Variants in JPH1 observed in about 807,000 individuals in gnomAD.
The protein encoded by JPH1 is junctophilin-1.
In JPH1, 12 loss-of-function variants were observed where a neutral mutation model predicts 53.6. The observed-to-expected ratio is 0.22, with a 90% CI of 0.14 to 0.36. The LOEUF is 0.36. Ranked by LOEUF, JPH1 falls within the 10% of genes least tolerant of loss-of-function variation. JPH1 has a pLI of 1.00. For synonymous variants in JPH1, 375 were observed against 363.8 expected (o/e 1.03, Z -0.35); for missense variants, 808 against 905.5 (o/e 0.89, Z 1.38).
At chr8:74,280,915 T>C (rs1806995826) in intron 2 of JPH1, among the ~76,000 whole-genome samples, 1 of 152,206 alleles carries the variant, frequency 6.6e-6, no homozygotes, top group Non-Finnish European at 1.5e-5. Flanking sequence ...AAGGTTATTA[T>C]TCGCTCTAAT....
chr8:74,251,977 T>C (rs539775565), intron 3 of JPH1, among the ~76,000 whole-genome samples: 1 of 152,052 alleles, frequency 6.6e-6, no homozygotes, highest in Non-Finnish European at 1.5e-5. Flanking sequence ...AACAGAGACA[T>C]AGACCAATGG....
chr8:74,254,227 G>C (rs894965213), intron 3 of JPH1, among the ~76,000 whole-genome samples: 1 of 152,112 alleles, frequency 6.6e-6, no homozygotes, highest in Non-Finnish European at 1.5e-5. Context: ...TGGGATGCAA[G>C]GCTGGTTCAA....
chr8:74,264,256 G>A (rs954415860), intron 2 of JPH1, among the ~76,000 whole-genome samples: 18 of 152,188 alleles, frequency 1.2e-4, no homozygotes, highest in Non-Finnish European at 2.4e-4. Flanking sequence ...GATGACTTAT[G>A]TGAACCCATC....
At chr8:74,296,019 G>GACACACACACACACACGCACACAC (rs1807504980) in intron 2 of JPH1, among the ~76,000 whole-genome samples, 1 of 136,510 alleles carries the variant, frequency 7.3e-6, no homozygotes, top group African/African-American at 2.8e-5. Context: ...TCTCAGTAAG[G>GACACACACACACACACGCACACAC]ACACACACAC....
At chr8:74,246,303 G>A (rs1435633718) in intron 3 of JPH1, among the ~76,000 whole-genome samples, 1 of 152,000 alleles carries the variant, frequency 6.6e-6, no homozygotes, top group Non-Finnish European at 1.5e-5. Flanking sequence ...CCACAACACT[G>A]CATCTGTTCA....
chr8:74,270,015 T>C (rs1806652173), intron 2 of JPH1, among the ~76,000 whole-genome samples: 1 of 152,242 alleles, frequency 6.6e-6, no homozygotes, highest in African/African-American at 2.4e-5. Context: ...TCCTTACTTC[T>C]CTATTCAATC....
At chr8:74,266,851 T>C (rs1305055742) in intron 2 of JPH1, among the ~76,000 whole-genome samples, 1 of 152,106 alleles carries the variant, frequency 6.6e-6, no homozygotes, top group Non-Finnish European at 1.5e-5. Context: ...AAGAATCTAA[T>C]AGAGGAAACA....
intron 2 of JPH1, among the ~76,000 whole-genome samples, chr8:74,259,981 T>C (rs1241762387): frequency 1.3e-5 from 2 of 152,114 alleles, no homozygotes; most frequent in Admixed American, 1.3e-4. Context: ...ATTAGTGAAA[T>C]GGGGATTGGT....
At chr8:74,262,951 GA>G (rs1383378031) in intron 2 of JPH1, among the ~76,000 whole-genome samples, 1 of 152,218 alleles carries the variant, frequency 6.6e-6, no homozygotes, top group African/African-American at 2.4e-5. Context: ...GCAATTTGAT[GA>G]GTATCTGAGG....
rs1382239107 is a variant in JPH1 at position 74,237,051 on chromosome 8, A to T, written c.*16-16T>A. ...CAGGACTTCACTGAAGGGTCAAAAC[A>T]GTTATAGCAATTAAGTAACTATGTT... On this transcript the variant is annotated splice_polypyrimidine_tract_variant and intron_variant, in intron 5 of 5. Transcript: ENST00000342232. The T allele has an allele frequency of 1.2e-5, 7 of 604,760 alleles. No individual in the cohort carries two copies. The East Asian group carries it at 2.0e-4, about 17-fold the overall frequency. The allele number at this position is 604,760 out of a possible 1,614,324, so 37.5% of individuals were successfully genotyped here. A position where few individuals can be genotyped will look rare whatever the true frequency, so the allele number is the denominator to read the frequency against.
chr8:74,321,320 G>C lies in JPH1; in HGVS notation c.-33C>G. 1 of 1,501,192 alleles carries C rather than the reference G, an allele frequency of 6.7e-7. No individual in the cohort carries two copies. The highest frequency in any genetic ancestry group is 8.9e-7 in the Non-Finnish European group (1 of 1,124,834). 93.0% of individuals were successfully genotyped at this position (1,501,192 alleles called of 1,614,324 possible). A position where few individuals can be genotyped will look rare whatever the true frequency, so the allele number is the denominator to read the frequency against. Reference sequence around the variant, plus strand: ...GCAGCCCCGGCGCGCTCCCCGCAGGGGCACGGACGCGGGCAGTGCTGGGCA... The same window carrying C: ...GCAGCCCCGGCGCGCTCCCCGCAGGCGCACGGACGCGGGCAGTGCTGGGCA... On this transcript the variant is annotated 5_prime_UTR_variant, in exon 1 of 6. Coordinates refer to ENST00000342232, the MANE Select transcript of JPH1 (RefSeq NM_020647.4). The surrounding 1 kb of genome is among the most constrained non-coding windows in gnomAD (Gnocchi z 4.3).
chr8:74,305,446 G>C (rs1163526827), intron 2 of JPH1, among the ~76,000 whole-genome samples: 1 of 152,202 alleles, frequency 6.6e-6, no homozygotes, highest in Non-Finnish European at 1.5e-5. Context: ...GAAAACATAG[G>C]AGTAGGGTGG....
intron 2 of JPH1, among the ~76,000 whole-genome samples, chr8:74,301,729 CCT>C (rs1480983686): frequency 2.6e-5 from 4 of 152,198 alleles, no homozygotes; most frequent in Non-Finnish European, 4.4e-5. Flanking sequence ...AGTGTTCTTC[CCT>C]CTTTTGCACT....
chr8:74,299,702 C>T (rs187690272), intron 2 of JPH1, among the ~76,000 whole-genome samples: 1 of 152,304 alleles, frequency 6.6e-6, no homozygotes, highest in East Asian at 1.9e-4. Context: ...TGCATATTTA[C>T]ATAGACACTG....
At chr8:74,264,016 T>C (rs1172649542) in intron 2 of JPH1, among the ~76,000 whole-genome samples, 1 of 152,226 alleles carries the variant, frequency 6.6e-6, no homozygotes, top group Non-Finnish European at 1.5e-5. Context: ...ATTTCTGAGT[T>C]ACCTGCACCT....
At chr8:74,243,984 A>G (rs1041646517) in intron 4 of JPH1, among the ~76,000 whole-genome samples, 1 of 152,212 alleles carries the variant, frequency 6.6e-6, no homozygotes, top group African/African-American at 2.4e-5. Flanking sequence ...CTCTTTTGGG[A>G]AAGAAAAATG....
chr8:74,307,194 T>A (rs1807863453), intron 2 of JPH1, among the ~76,000 whole-genome samples: 1 of 152,178 alleles, frequency 6.6e-6, no homozygotes, highest in Non-Finnish European at 1.5e-5. Flanking sequence ...TTTACCTACA[T>A]CCCAGTTTGT....
intron 2 of JPH1, among the ~76,000 whole-genome samples, chr8:74,299,170 G>A (rs955098542): frequency 6.6e-6 from 1 of 151,192 alleles, no homozygotes; most frequent in Non-Finnish European, 1.5e-5. Flanking sequence ...AAATGTTGCC[G>A]AAGGACCAAC....
At chr8:74,285,262 T>C (rs1233511687) in intron 2 of JPH1, among the ~76,000 whole-genome samples, 1 of 152,056 alleles carries the variant, frequency 6.6e-6, no homozygotes, top group Non-Finnish European at 1.5e-5. Flanking sequence ...TACACACACA[T>C]ATACATGAAT....
Sources: allele counts gnomAD v4.1 joint callset (sites outside exome capture counted in the v4.1 genomes callset), GRCh38; gene constraint gnomAD v4.1.1; non-coding constraint Gnocchi (gnomAD v3.1); transcripts MANE v1.5; gene names NCBI Gene and HGNC (gene_info 2026-07-23, HGNC 2026-07-21).